The following HPSE2 variants were observed in gnomAD, a reference collection of about 807,000 sequenced individuals.
HPSE2 encodes inactive heparanase-2.
HPSE2 carries 38 observed loss-of-function variants against 60.5 expected under a neutral mutation model. The observed-to-expected ratio is 0.63, with a 90% CI of 0.48 to 0.82. The LOEUF (loss-of-function observed/expected upper bound fraction) is 0.82, where lower values mean the gene tolerates loss of function less well. Ranked by LOEUF, HPSE2 falls within the 40% of genes least tolerant of loss-of-function variation. The probability of loss-of-function intolerance (pLI) is 0.00; values close to 1 mark genes in which losing one functional copy is unlikely to be tolerated. For synonymous variants in HPSE2, 295 were observed against 293.2 expected, an observed-to-expected ratio of 1.01 and a Z score of -0.06; for missense variants, 713 against 740.4, an observed-to-expected ratio of 0.96 and a Z score of 0.43.
the HPSE2 span, among the ~76,000 whole-genome samples, chr10:99,315,891 T>G: frequency 6.6e-6 from 1 of 152,164 alleles, no homozygotes; most frequent in Admixed American, 6.5e-5. Context: ...CCCTCCCCAT[T>G]AGTCCCTCTA....
chr10:98,491,457 A>C (rs1941641504), intron 9 of HPSE2, among the ~76,000 whole-genome samples: 1 of 152,102 alleles, frequency 6.6e-6, no homozygotes, highest in Non-Finnish European at 1.5e-5. Context: ...TAGATGGAAA[A>C]AGTGTTGTGG....
intron 6 of HPSE2, among the ~76,000 whole-genome samples, chr10:98,687,881 C>G (rs1229891786): frequency 6.6e-6 from 1 of 152,108 alleles, no homozygotes; most frequent in African/African-American, 2.4e-5. Flanking sequence ...ATTGAGTCTT[C>G]TATAGCATCC....
chr10:99,123,749 A>G (rs10430662), intron 3 of HPSE2, among the ~76,000 whole-genome samples: 77,418 of 152,010 alleles, frequency 0.51, 21,506 homozygotes, highest in East Asian at 0.65. Flanking sequence ...TCTGATGAGT[A>G]CAGCTGTCAG....
At chr10:98,895,459 C>A (rs1436676760) in intron 3 of HPSE2, among the ~76,000 whole-genome samples, 2 of 152,068 alleles carry the variant, frequency 1.3e-5, no homozygotes, top group African/African-American at 4.8e-5. Flanking sequence ...AATTATTTCA[C>A]CTCATCAGGT....
chr10:99,053,534 G>C (rs1016971037), intron 3 of HPSE2, among the ~76,000 whole-genome samples: 5 of 151,846 alleles, frequency 3.3e-5, no homozygotes, highest in Non-Finnish European at 5.9e-5. Flanking sequence ...AATCATGTTG[G>C]TACTACACCA....
chr10:99,190,527 T>C (rs192176898), intron 2 of HPSE2, among the ~76,000 whole-genome samples: 1 of 152,294 alleles, frequency 6.6e-6, no homozygotes, highest in Admixed American at 6.5e-5. Flanking sequence ...CATATATATG[T>C]CTGTCTGACT....
intron 5 of HPSE2, among the ~76,000 whole-genome samples, chr10:98,720,007 A>G (rs1452913961): frequency 5.3e-5 from 8 of 152,242 alleles, no homozygotes; most frequent in South Asian, 4.1e-4. Context: ...TGTTTAAAAA[A>G]CAACAATAAA....
chr10:99,223,992 T>C (rs1849394691), intron 2 of HPSE2, among the ~76,000 whole-genome samples: 2 of 152,180 alleles, frequency 1.3e-5, no homozygotes, highest in African/African-American at 4.8e-5. Flanking sequence ...TAAGCAAAGA[T>C]TGGTCTAACT....
At chr10:99,057,290 C>A (rs1049557030) in intron 3 of HPSE2, among the ~76,000 whole-genome samples, 3 of 152,060 alleles carry the variant, frequency 2.0e-5, no homozygotes, top group African/African-American at 7.2e-5. Flanking sequence ...CAGTAAGTAC[C>A]AAGCACTAAA....
At chr10:98,927,176 C>T (rs1954494854) in intron 3 of HPSE2, among the ~76,000 whole-genome samples, 6 of 147,610 alleles carry the variant, frequency 4.1e-5, no homozygotes, top group Admixed American at 4.0e-4. Flanking sequence ...CTTTCTGTCT[C>T]GTTGATCTGT....
chr10:98,904,086 T>C (rs1166449890), intron 3 of HPSE2, among the ~76,000 whole-genome samples: 1 of 152,184 alleles, frequency 6.6e-6, no homozygotes, highest in Admixed American at 6.6e-5. Flanking sequence ...ATAAACTACA[T>C]AGTATCACTG....
chr10:98,843,948 T>C (rs958652550), intron 3 of HPSE2, among the ~76,000 whole-genome samples: 1 of 152,272 alleles, frequency 6.6e-6, no homozygotes, highest in Non-Finnish European at 1.5e-5. Flanking sequence ...ATTCTAATTC[T>C]GATTAAAGAC....
intron 3 of HPSE2, among the ~76,000 whole-genome samples, chr10:99,141,237 C>T (rs1190388603): frequency 1.3e-5 from 2 of 152,150 alleles, no homozygotes; most frequent in South Asian, 4.2e-4. Flanking sequence ...ACAACACTCT[C>T]CAGCTCAAGA....
rs539329571 is a variant in HPSE2, at chr10:98,764,149, T to A, written c.611-20093A>T. 7.9e-4 allele frequency among the ~76,000 whole-genome samples: 121 copies of A among 152,258 alleles called. 1 individual carries two copies. The highest frequency in any genetic ancestry group is 2.8e-3 in the African/African-American group (115 of 41,566). ...TTATAATTATAATTTTTGTTATAAT[T>A]TAGTAAAAATGGTAGAAATGGTCAA... is the stretch of plus-strand genomic sequence containing the variant. On this transcript the variant is annotated intron_variant, in intron 3 of 11. Transcript: ENST00000370552.
intron 3 of HPSE2, among the ~76,000 whole-genome samples, chr10:98,995,221 C>G (rs1440349542): frequency 6.6e-6 from 1 of 152,180 alleles, no homozygotes; most frequent in Non-Finnish European, 1.5e-5. Flanking sequence ...GGAGAAGGTA[C>G]ATATTACCTG....
chr10:99,037,616 T>C (rs1327128803), intron 3 of HPSE2, among the ~76,000 whole-genome samples: 1 of 151,890 alleles, frequency 6.6e-6, no homozygotes, highest in Non-Finnish European at 1.5e-5. Flanking sequence ...AATTGTGATT[T>C]ATAAGAAGGA....
intron 11 of HPSE2, among the ~76,000 whole-genome samples, chr10:98,472,151 T>C (rs7069451): frequency 0.41 from 61,549 of 151,676 alleles, 13,569 homozygotes; most frequent in African/African-American, 0.6. Context: ...TCTTTTTTTC[T>C]ATATACTGCC....
intron 3 of HPSE2, among the ~76,000 whole-genome samples, chr10:98,936,882 A>G (rs1954808998): frequency 7.4e-6 from 1 of 135,682 alleles, no homozygotes; most frequent in Non-Finnish European, 1.5e-5. Context: ...AGGAGGCTGA[A>G]GCAGGAAAAT....
intron 9 of HPSE2, among the ~76,000 whole-genome samples, chr10:98,540,465 A>G (rs1392335118): frequency 6.6e-6 from 1 of 152,252 alleles, no homozygotes; most frequent in Non-Finnish European, 1.5e-5. Flanking sequence ...AAATGCAATT[A>G]TAGGTCATTT....
Sources: gnomAD v4.1 joint callset for allele counts (sites outside exome capture counted in the v4.1 genomes callset) on GRCh38, gnomAD v4.1.1 for gene constraint, MANE v1.5 for transcripts, NCBI Gene and HGNC (gene_info 2026-07-23, HGNC 2026-07-21) for gene names.